Variants in AFF3 observed in about 807,000 individuals in gnomAD.
AFF3 encodes the protein ALF transcription elongation factor 3.
AFF3 carries 32 observed loss-of-function variants against 129.7 expected under a neutral mutation model. The ratio of observed to expected loss-of-function variants is 0.25; its 90% CI spans 0.19 to 0.33. The LOEUF (loss-of-function observed/expected upper bound fraction) is 0.33, where lower values mean the gene tolerates loss of function less well. Ranked by LOEUF, AFF3 falls within the 10% of genes least tolerant of loss-of-function variation. The probability of loss-of-function intolerance (pLI) is 1.00; values close to 1 mark genes in which losing one functional copy is unlikely to be tolerated. For missense variants in AFF3, 1,373 were observed against 1,592.0 expected (o/e 0.86, Z 2.34); for synonymous variants, 644 against 635.4 (o/e 1.01, Z -0.20).
intron 18 of AFF3, among the ~76,000 whole-genome samples, chr2:99,573,884 G>A (rs1161107451): frequency 6.6e-6 from 1 of 152,210 alleles, no homozygotes; most frequent in African/African-American, 2.4e-5. Context: ...GGAGCGGCAG[G>A]CAGCCCTGGC....
At chr2:99,764,849 C>T (rs1682880566) in intron 8 of AFF3, among the ~76,000 whole-genome samples, 1 of 152,084 alleles carries the variant, frequency 6.6e-6, no homozygotes, top group Non-Finnish European at 1.5e-5. Context: ...GGCACTCCTT[C>T]AAATCTCGTG....
chr2:100,003,210 A>C (rs962726455), intron 7 of AFF3, among the ~76,000 whole-genome samples: 3 of 152,174 alleles, frequency 2.0e-5, no homozygotes, highest in Admixed American at 2.0e-4. Flanking sequence ...GAAGATCCCC[A>C]AGACTGCAAA....
chr2:99,993,626 A>C (rs1680558586), intron 7 of AFF3, among the ~76,000 whole-genome samples: 1 of 151,836 alleles, frequency 6.6e-6, no homozygotes, highest in Non-Finnish European at 1.5e-5. Flanking sequence ...AAATACAAGA[A>C]AGGCTTAGGA....
At chr2:99,749,502 A>G (rs1681452144) in intron 9 of AFF3, among the ~76,000 whole-genome samples, 2 of 152,254 alleles carry the variant, frequency 1.3e-5, no homozygotes, top group African/African-American at 4.8e-5. Context: ...ACACATAACA[A>G]AAATGTCTAT....
intron 11 of AFF3, among the ~76,000 whole-genome samples, chr2:99,698,363 C>G (rs61563353): frequency 0.07 from 10,632 of 152,242 alleles, 434 homozygotes; most frequent in East Asian, 0.1. Context: ...TGACTCATGC[C>G]TTAGGCTGTC....
chr2:99,776,311 T>C (rs1057180411), intron 8 of AFF3, among the ~76,000 whole-genome samples: 3 of 152,354 alleles, frequency 2.0e-5, no homozygotes, highest in Middle Eastern at 3.4e-3. Context: ...TCAGTTTGTT[T>C]ACCTAGCACA....
At chr2:99,994,626 A>G (rs1310715820) in intron 7 of AFF3, among the ~76,000 whole-genome samples, 1 of 152,204 alleles carries the variant, frequency 6.6e-6, no homozygotes, top group Non-Finnish European at 1.5e-5. Context: ...CGGGCCTTGA[A>G]GGAATAATCT....
chr2:99,907,741 C>T (rs1694816787), intron 7 of AFF3, among the ~76,000 whole-genome samples: 6 of 152,060 alleles, frequency 3.9e-5, no homozygotes, highest in South Asian at 2.1e-4. Flanking sequence ...CAGGTTCAAG[C>T]GATCCTCCCA....
At chr2:99,926,551 G>T (rs1696254233) in intron 7 of AFF3, among the ~76,000 whole-genome samples, 1 of 152,148 alleles carries the variant, frequency 6.6e-6, no homozygotes, top group South Asian at 2.1e-4. Context: ...TTAGAATACG[G>T]ATTAGCTGTT....
At chr2:99,843,664 A>T (rs1405293840) in intron 7 of AFF3, among the ~76,000 whole-genome samples, 2 of 152,222 alleles carry the variant, frequency 1.3e-5, no homozygotes, top group Non-Finnish European at 2.9e-5. Flanking sequence ...CAGCTTACAG[A>T]GTGTTTATCA....
chr2:100,024,156 C>T (rs1459984119), intron 4 of AFF3, among the ~76,000 whole-genome samples: 9 of 140,318 alleles, frequency 6.4e-5, no homozygotes, highest in African/African-American at 1.6e-4. Flanking sequence ...GGCGTGAACC[C>T]GGGAGGCGGA....
chr2:99,793,341 C>T (rs963998159), intron 8 of AFF3, among the ~76,000 whole-genome samples: 7 of 152,308 alleles, frequency 4.6e-5, no homozygotes, highest in African/African-American at 1.2e-4. Flanking sequence ...TGCAGAACCC[C>T]GAGCCCAAAC....
chr2:99,558,663 T>C (rs1675179568), intron 22 of AFF3, among the ~76,000 whole-genome samples: 1 of 152,040 alleles, frequency 6.6e-6, no homozygotes, highest in Non-Finnish European at 1.5e-5. Context: ...ATAAAAATAC[T>C]TGGACAAGAA....
At chr2:99,657,659 C>T (rs932962478) in intron 12 of AFF3, among the ~76,000 whole-genome samples, 51 of 152,166 alleles carry the variant, frequency 3.4e-4, no homozygotes, top group African/African-American at 1.2e-3. Flanking sequence ...TATTTAAATA[C>T]TTGGACACAT....
chr2:99,785,386 A>G (rs1355577891), intron 8 of AFF3, among the ~76,000 whole-genome samples: 1 of 152,220 alleles, frequency 6.6e-6, no homozygotes, highest in Non-Finnish European at 1.5e-5. Flanking sequence ...TGCCTTTATA[A>G]GGACAGCGCT....
At chr2:99,767,892 C>G (rs7562121) in intron 8 of AFF3, among the ~76,000 whole-genome samples, 101,858 of 152,030 alleles carry the variant, frequency 0.67, 35,466 homozygotes, top group East Asian at 0.82. Flanking sequence ...TTGCAGTGAG[C>G]TGAGATTGCG....
At chr2:99,707,323 A>G (rs185341114) in intron 11 of AFF3, 25 of 984,990 alleles carry the variant, frequency 2.5e-5, no homozygotes, top group Middle Eastern at 5.2e-4. Context: ...AAAAAAATCA[A>G]TCTTGAAGCT....
intron 7 of AFF3, among the ~76,000 whole-genome samples, chr2:99,907,092 C>G (rs1694772729): frequency 6.6e-6 from 1 of 152,138 alleles, no homozygotes; most frequent in Admixed American, 6.5e-5. Context: ...CCTCCCTCAA[C>G]CCCTTAATGA....
At chr2:99,659,974 C>A (rs1008367036) in intron 12 of AFF3, among the ~76,000 whole-genome samples, 2 of 152,174 alleles carry the variant, frequency 1.3e-5, no homozygotes, top group African/African-American at 4.8e-5. Context: ...ACTCATCTCA[C>A]AGGGCAATTT....
Sources: allele counts gnomAD v4.1 joint callset (sites outside exome capture counted in the v4.1 genomes callset), GRCh38; gene constraint gnomAD v4.1.1; transcripts MANE v1.5; gene names NCBI Gene and HGNC (gene_info 2026-07-23, HGNC 2026-07-21).